KCNQ5: variants seen among roughly 807,000 people sequenced by gnomAD.
The protein encoded by KCNQ5 is potassium voltage-gated channel subfamily Q member 5.
KCNQ5 carries 30 observed loss-of-function variants against 98.2 expected under a neutral mutation model. That is an observed-to-expected ratio of 0.31 (90% confidence interval 0.23 to 0.41). KCNQ5 has a LOEUF of 0.41. Among genes scored for constraint, KCNQ5 ranks in the 10% least tolerant of loss-of-function variants. The pLI is 1.00. For synonymous variants in KCNQ5, 458 were observed against 449.4 expected (o/e 1.02, Z -0.24); for missense variants, 835 against 1,182.5 (o/e 0.71, Z 4.31).
Position 72,806,863 on chromosome 6 carries a change from G to A in KCNQ5, c.398+184276G>A, listed in dbSNP as rs865776158. ...ATTTTATTTATTAATTTTCAGTTTC[G>A]TTTTTCTCCCATATGAGAATAAGAT... On this transcript the variant is annotated intron_variant, in intron 1 of 13. Transcript: ENST00000370398. 8.3e-5 allele frequency: 37 copies of A among 445,906 alleles called. 1 individual carries two copies. The highest frequency in any genetic ancestry group is 4.9e-4 in the African/African-American group (24 of 49,200). The allele number at this position is 445,906 out of a possible 1,614,324, so 27.6% of individuals were successfully genotyped here.
In KCNQ5 at chr6:73,022,189, C is replaced by CA. The variant is rs200076205; in HGVS notation, c.489+18200dup. 8.0e-3 allele frequency among the ~76,000 whole-genome samples: 1,188 copies of CA among 149,416 alleles called. 16 individuals carry two copies. Among genetic ancestry groups the CA allele is most frequent in the African/African-American group, 0.027 (1,109 of 40,814 alleles). ...ATGATTCACTAGTGATCTCTAGATG[C>CA]AAAAAAAAAGACTAGTGTCTTCAAA... On this transcript the variant is annotated intron_variant, in intron 2 of 13. Transcript: ENST00000370398.
At chr6:72,985,356 A>G (rs1327662818) in intron 1 of KCNQ5, among the ~76,000 whole-genome samples, 1 of 152,252 alleles carries the variant, frequency 6.6e-6, no homozygotes, top group Non-Finnish European at 1.5e-5. Context: ...TATTTTTAAC[A>G]GTTTAAAAAA....
chr6:72,655,214 T>C (rs890161884), intron 1 of KCNQ5, among the ~76,000 whole-genome samples: 1 of 150,770 alleles, frequency 6.6e-6, no homozygotes, highest in African/African-American at 2.4e-5. Context: ...CAATAAATCG[T>C]AATGGACATA....
chr6:73,008,491 A>G (rs1253167332), intron 2 of KCNQ5, among the ~76,000 whole-genome samples: 2 of 152,176 alleles, frequency 1.3e-5, no homozygotes, highest in Admixed American at 1.3e-4. Flanking sequence ...ATAGACTTTA[A>G]ATCAAAAAAG....
chr6:72,956,347 C>A (rs1426123765), intron 1 of KCNQ5, among the ~76,000 whole-genome samples: 1 of 152,120 alleles, frequency 6.6e-6, no homozygotes, highest in Non-Finnish European at 1.5e-5. Context: ...AGTGTCTAAC[C>A]TTCCCTCGTG....
chr6:73,155,140 C>T (rs1582456534), intron 10 of KCNQ5, among the ~76,000 whole-genome samples: 1 of 152,294 alleles, frequency 6.6e-6, no homozygotes, highest in South Asian at 2.1e-4. Context: ...AAGCCTGAGG[C>T]TCTAAACTCC....
chr6:72,692,536 A>T (rs1020127166), intron 1 of KCNQ5, among the ~76,000 whole-genome samples: 1 of 152,234 alleles, frequency 6.6e-6, no homozygotes, highest in African/African-American at 2.4e-5. Flanking sequence ...GGGTTTTTTA[A>T]TATGAGACTC....
At chr6:72,625,045 G>T (rs2098917376) in intron 1 of KCNQ5, among the ~76,000 whole-genome samples, 1 of 152,194 alleles carries the variant, frequency 6.6e-6, no homozygotes, top group Non-Finnish European at 1.5e-5. Flanking sequence ...AACAGTATTT[G>T]TAGCATATTA....
chr6:72,680,219 T>G (rs1045967373), intron 1 of KCNQ5, among the ~76,000 whole-genome samples: 1 of 152,208 alleles, frequency 6.6e-6, no homozygotes, highest in Non-Finnish European at 1.5e-5. Flanking sequence ...CTAGGTAACC[T>G]TCTATCCATT....
chr6:73,156,644 A>G (rs779109991), intron 10 of KCNQ5, among the ~76,000 whole-genome samples: 5 of 152,254 alleles, frequency 3.3e-5, no homozygotes, highest in African/African-American at 4.8e-5. Flanking sequence ...AAACAAAAAC[A>G]AAAATGAATT....
intron 1 of KCNQ5, among the ~76,000 whole-genome samples, chr6:72,800,634 G>A (rs1238647105): frequency 6.6e-6 from 1 of 152,088 alleles, no homozygotes; most frequent in Non-Finnish European, 1.5e-5. Flanking sequence ...CTTCAGTTCT[G>A]CTCTGATTTT....
chr6:72,895,769 A>T (rs143999672), intron 1 of KCNQ5, among the ~76,000 whole-genome samples: 1 of 151,346 alleles, frequency 6.6e-6, no homozygotes, highest in African/African-American at 2.4e-5. Flanking sequence ...TATGTATATT[A>T]AAAGTGTTAG....
chr6:72,860,864 TG>T (rs1777737795), intron 1 of KCNQ5, among the ~76,000 whole-genome samples: 1 of 147,838 alleles, frequency 6.8e-6, no homozygotes, highest in Admixed American at 6.7e-5. Flanking sequence ...TATGTGTGTG[TG>T]TGTGTGTGTA....
chr6:72,886,830 CT>C (rs1385339264), intron 1 of KCNQ5, among the ~76,000 whole-genome samples: 4 of 152,070 alleles, frequency 2.6e-5, no homozygotes, highest in African/African-American at 9.7e-5. Flanking sequence ...AGCAAAACAA[CT>C]TTGTTTTTGG....
At chr6:73,001,896 G>A (rs765722698) in intron 1 of KCNQ5, among the ~76,000 whole-genome samples, 23 of 152,058 alleles carry the variant, frequency 1.5e-4, no homozygotes, top group Non-Finnish European at 3.2e-4. Context: ...GAGGTGGGAG[G>A]ATCCCTTGAG....
intron 1 of KCNQ5, among the ~76,000 whole-genome samples, chr6:72,762,877 A>G (rs1254281734): frequency 6.6e-6 from 1 of 152,016 alleles, no homozygotes; most frequent in African/African-American, 2.4e-5. Context: ...TGTCACTTAT[A>G]TCTTATTTAA....
At chr6:73,069,525 C>CA (rs552317821) in intron 3 of KCNQ5, among the ~76,000 whole-genome samples, 10 of 144,920 alleles carry the variant, frequency 6.9e-5, no homozygotes, top group South Asian at 6.6e-4. Flanking sequence ...ACTGAGGTTA[C>CA]AAAAAAAAAA....
At chr6:72,996,247 A>G (rs1176377677) in intron 1 of KCNQ5, among the ~76,000 whole-genome samples, 3 of 152,250 alleles carry the variant, frequency 2.0e-5, no homozygotes, top group African/African-American at 7.2e-5. Flanking sequence ...TACTATTTGT[A>G]ATGTGGGTCC....
At chr6:73,002,093 G>A (rs922821716) in intron 1 of KCNQ5, among the ~76,000 whole-genome samples, 3 of 152,102 alleles carry the variant, frequency 2.0e-5, no homozygotes, top group Admixed American at 2.0e-4. Context: ...ATGCACCACT[G>A]CACTCTAGCC....
Sources: gnomAD v4.1 joint callset for allele counts (sites outside exome capture counted in the v4.1 genomes callset) on GRCh38, gnomAD v4.1.1 for gene constraint, MANE v1.5 for transcripts, NCBI Gene and HGNC (gene_info 2026-07-23, HGNC 2026-07-21) for gene names.